Variants in CAMSAP1 observed in about 807,000 individuals in gnomAD.
The protein encoded by CAMSAP1 is calmodulin regulated spectrin associated protein 1.
Under a neutral mutation model 143.5 loss-of-function variants are expected in CAMSAP1, and 58 were observed. The observed-to-expected ratio is 0.40, with a 90% CI of 0.33 to 0.50. CAMSAP1 has a LOEUF of 0.50. Ranked by LOEUF, CAMSAP1 falls within the 20% of genes least tolerant of loss-of-function variation. The pLI, the probability that CAMSAP1 is intolerant of heterozygous loss-of-function variation, is 0.45. For synonymous variants in CAMSAP1, 945 were observed against 859.3 expected, an observed-to-expected ratio of 1.10 and a Z score of -1.74; for missense variants, 1,969 against 2,115.7, an observed-to-expected ratio of 0.93 and a Z score of 1.36.
chr9:135,887,940 C>T (rs1036735036), intron 1 of CAMSAP1, among the ~76,000 whole-genome samples: 1 of 152,164 alleles, frequency 6.6e-6, no homozygotes, highest in South Asian at 2.1e-4. Context: ...CAGGCCTCGG[C>T]GGGAGCCACA....
chr9:135,824,774 AAAC>A lies in CAMSAP1; in HGVS notation c.1315+12_1315+14del, dbSNP rs1835613448. On this transcript the variant is annotated intron_variant, in intron 9 of 16. Coordinates refer to ENST00000389532, the MANE Select transcript of CAMSAP1 (RefSeq NM_015447.4). The surrounding 1 kb of genome is among the most constrained non-coding windows in gnomAD (Gnocchi z 4.1). ...AGGAGAAATTAAGGAAAAAAGGAGG[AAAC>A]AACATTCTTACCAGGGATGTCCTCT... is the stretch of plus-strand genomic sequence containing the variant. The A allele has an allele frequency of 2.6e-6, 4 of 1,516,918 alleles. No individual in the cohort carries two copies. Among genetic ancestry groups the A allele is most frequent in the Non-Finnish European group, 3.5e-6 (4 of 1,127,102 alleles). 94.0% of individuals were successfully genotyped at this position (1,516,918 alleles called of 1,614,324 possible).
At chr9:135,836,230 T>A in intron 7 of CAMSAP1, 1 of 985,096 alleles carries the variant, frequency 1.0e-6, no homozygotes, top group Non-Finnish European at 1.2e-6. Context: ...CCTTCTACCC[T>A]GTTCTACAGA....
intron 5 of CAMSAP1, among the ~76,000 whole-genome samples, chr9:135,853,864 C>G (rs1202190903): frequency 7.2e-5 from 11 of 152,254 alleles, no homozygotes; most frequent in Non-Finnish European, 1.6e-4. Context: ...GAGGTCCAAT[C>G]AAGTCCCTAT....
intron 3 of CAMSAP1, among the ~76,000 whole-genome samples, chr9:135,879,706 T>C (rs62585174): frequency 0.012 from 1,786 of 151,796 alleles, 21 homozygotes; most frequent in Non-Finnish European, 0.019. Context: ...TCCTTAAATA[T>C]GAACAACCAT....
intron 1 of CAMSAP1, among the ~76,000 whole-genome samples, chr9:135,898,371 G>A (rs79410610): frequency 0.01 from 1,594 of 152,276 alleles, 21 homozygotes; most frequent in Middle Eastern, 0.031. Flanking sequence ...CTGGCCAGGC[G>A]TGGTGGCTCC....
chr9:135,840,710 C>A (rs1280030064), intron 7 of CAMSAP1, among the ~76,000 whole-genome samples: 6 of 152,170 alleles, frequency 3.9e-5, no homozygotes, highest in African/African-American at 1.4e-4. Context: ...GGGTGCAGCC[C>A]ACAGAGGGCA....
chr9:135,859,386 T>A lies in CAMSAP1; in HGVS notation c.808+3081A>T, dbSNP rs148031676. On this transcript the variant is annotated intron_variant, in intron 5 of 16. Coordinates refer to ENST00000389532, the MANE Select transcript of CAMSAP1 (RefSeq NM_015447.4). ...GGCTCTGTCCATTTCTCCTTGTAACTCTGCCATTTTGTTTGTTTGTTTGTT... is the reference window on the plus strand; with the variant it reads ...GGCTCTGTCCATTTCTCCTTGTAACACTGCCATTTTGTTTGTTTGTTTGTT... Among the ~76,000 whole-genome samples, 531 of 152,300 alleles carry A rather than the reference T, an allele frequency of 3.5e-3. 1 individual carries two copies. The highest frequency in any genetic ancestry group is 5.9e-3 in the Non-Finnish European group (402 of 68,018).
chr9:135,906,950 GCCCCGGCCCGCGCCCCTGGC>G, intron 1 of CAMSAP1, 30 bp downstream of exon 1: 1 of 965,644 alleles, frequency 1.0e-6, no homozygotes. Context: ...GCGTCCCCCG[GCCCCGGCCCGCGCCCCTGGC>G]CCCCGCCCCG....
intron 1 of CAMSAP1, among the ~76,000 whole-genome samples, chr9:135,890,082 C>T (rs1838241394): frequency 6.6e-6 from 1 of 152,140 alleles, no homozygotes; most frequent in Admixed American, 6.5e-5. Context: ...CACGGTGGAC[C>T]CTGTGCTAGG....
intron 3 of CAMSAP1, among the ~76,000 whole-genome samples, chr9:135,875,010 T>C (rs1837692464): frequency 6.6e-6 from 1 of 152,164 alleles, no homozygotes. Flanking sequence ...GCTGTGAAGC[T>C]GTTAGGTCTA....
chr9:135,857,939 C>A (rs955604724), intron 5 of CAMSAP1, among the ~76,000 whole-genome samples: 14 of 152,198 alleles, frequency 9.2e-5, no homozygotes, highest in African/African-American at 2.9e-4. Flanking sequence ...CAGTTCTCCT[C>A]AAGAGTGTCC....
intron 3 of CAMSAP1, among the ~76,000 whole-genome samples, chr9:135,869,900 C>T (rs1837512530): frequency 6.6e-6 from 1 of 152,180 alleles, no homozygotes; most frequent in Non-Finnish European, 1.5e-5. Context: ...ACCCTGGAAA[C>T]ATGCTCTGTG....
chr9:135,880,173 G>T (rs1837892319), intron 3 of CAMSAP1, among the ~76,000 whole-genome samples: 1 of 152,122 alleles, frequency 6.6e-6, no homozygotes, highest in Non-Finnish European at 1.5e-5. Flanking sequence ...ATCACAGGAA[G>T]CTTCCACTAG....
Position 135,850,120 on chromosome 9 carries a change from G to A in CAMSAP1, c.1045+17C>T. 5 of 1,590,862 alleles carry A rather than the reference G, an allele frequency of 3.1e-6. No individual in the cohort carries two copies. Among genetic ancestry groups the A allele is most frequent in the Non-Finnish European group, 3.4e-6 (4 of 1,167,956 alleles). On this transcript the variant is annotated intron_variant, in intron 7 of 16. Transcript: ENST00000389532. Reference sequence around the variant, plus strand: ...TCAAGGAAACCATTGCCAACCTGGGGAATATCTGTCACTCACCGTCTTTCA... The same window carrying A: ...TCAAGGAAACCATTGCCAACCTGGGAAATATCTGTCACTCACCGTCTTTCA...
intron 8 of CAMSAP1, among the ~76,000 whole-genome samples, chr9:135,825,721 G>A (rs1056065878): frequency 2.6e-5 from 4 of 152,186 alleles, no homozygotes; most frequent in African/African-American, 4.8e-5. Context: ...ACTTTGGGGA[G>A]AATTTGGTAA....
At chr9:135,856,940 T>C (rs1837000731) in intron 5 of CAMSAP1, among the ~76,000 whole-genome samples, 1 of 152,196 alleles carries the variant, frequency 6.6e-6, no homozygotes, top group Admixed American at 6.5e-5. Flanking sequence ...CTCTTCAGGA[T>C]GGTGTGCGTG....
At chr9:135,812,332 C>A (rs1363498839) in intron 16 of CAMSAP1, among the ~76,000 whole-genome samples, 1 of 152,028 alleles carries the variant, frequency 6.6e-6, no homozygotes, top group Non-Finnish European at 1.5e-5. Context: ...CATTACCCAG[C>A]TACAAAAAGG....
At chr9:135,856,325 T>C (rs1836968894) in intron 5 of CAMSAP1, among the ~76,000 whole-genome samples, 1 of 152,210 alleles carries the variant, frequency 6.6e-6, no homozygotes, top group African/African-American at 2.4e-5. Flanking sequence ...GGTTTCCCCT[T>C]ATTAAACCAT....
chr9:135,873,141 C>A (rs1012128248), intron 3 of CAMSAP1, among the ~76,000 whole-genome samples: 8 of 152,176 alleles, frequency 5.3e-5, no homozygotes, highest in African/African-American at 1.2e-4. Context: ...TCCCTGACAA[C>A]AGAATTAAAC....
Sources: allele counts gnomAD v4.1 joint callset (sites outside exome capture counted in the v4.1 genomes callset), GRCh38; gene constraint gnomAD v4.1.1; non-coding constraint Gnocchi (gnomAD v3.1); transcripts MANE v1.5; gene names NCBI Gene and HGNC (gene_info 2026-07-23, HGNC 2026-07-21).